Variants in GRM7 observed in about 807,000 individuals in gnomAD.
GRM7 encodes metabotropic glutamate receptor 7.
Under a neutral mutation model 84.5 loss-of-function variants are expected in GRM7, and 35 were observed. The observed-to-expected ratio is 0.41, with a 90% CI of 0.32 to 0.55. GRM7 has a LOEUF of 0.55. Among genes scored for constraint, GRM7 ranks in the 20% least tolerant of loss-of-function variants. GRM7 has a pLI of 0.19. For synonymous variants in GRM7, 487 were observed against 455.1 expected (o/e 1.07, Z -0.89); for missense variants, 1,003 against 1,194.6 (o/e 0.84, Z 2.36).
At chr3:7,457,110 T>C (rs1424575787) in intron 6 of GRM7, among the ~76,000 whole-genome samples, 1 of 152,180 alleles carries the variant, frequency 6.6e-6, no homozygotes, top group Non-Finnish European at 1.5e-5. Context: ...GGATATTGAT[T>C]TTTCTTTGTT....
intron 9 of GRM7, among the ~76,000 whole-genome samples, chr3:7,724,389 T>A (rs973685253): frequency 6.6e-6 from 1 of 152,232 alleles, no homozygotes; most frequent in African/African-American, 2.4e-5. Context: ...CTTAGGGACC[T>A]GTTCCATCCA....
intron 1 of GRM7, among the ~76,000 whole-genome samples, chr3:6,972,427 C>T (rs777427837): frequency 2.0e-5 from 3 of 152,090 alleles, no homozygotes; most frequent in Admixed American, 6.5e-5. Flanking sequence ...GTCTTTCTTG[C>T]AGGGTGGCTC....
chr3:7,085,262 T>C (rs1181228576), intron 1 of GRM7, among the ~76,000 whole-genome samples: 1 of 152,214 alleles, frequency 6.6e-6, no homozygotes, highest in Non-Finnish European at 1.5e-5. Flanking sequence ...CTTCATCTTT[T>C]ATAAAAATCC....
chr3:7,218,938 T>G (rs1696704797), intron 2 of GRM7, among the ~76,000 whole-genome samples: 1 of 152,162 alleles, frequency 6.6e-6, no homozygotes, highest in Non-Finnish European at 1.5e-5. Context: ...TTTTCAAAAC[T>G]ACCCATCATT....
At chr3:6,891,965 C>T (rs528810690) in intron 1 of GRM7, among the ~76,000 whole-genome samples, 4 of 152,256 alleles carry the variant, frequency 2.6e-5, no homozygotes, top group Admixed American at 6.5e-5. Flanking sequence ...CTTCCCTTCT[C>T]GCTTCATTTC....
chr3:7,645,375 C>A (rs1028381536), intron 8 of GRM7, among the ~76,000 whole-genome samples: 1 of 151,446 alleles, frequency 6.6e-6, no homozygotes, highest in African/African-American at 2.4e-5. Flanking sequence ...GGTGAAACCC[C>A]GTCACTACTA....
chr3:7,532,057 C>T (rs1701057521), intron 7 of GRM7, among the ~76,000 whole-genome samples: 1 of 152,098 alleles, frequency 6.6e-6, no homozygotes, highest in South Asian at 2.1e-4. Flanking sequence ...AGATGTTCAT[C>T]AGGGATATTG....
intron 8 of GRM7, among the ~76,000 whole-genome samples, chr3:7,595,637 G>A (rs990304128): frequency 2.0e-5 from 3 of 152,102 alleles, no homozygotes; most frequent in Non-Finnish European, 4.4e-5. Context: ...ATGCCATCTT[G>A]GAGGTGGGAG....
intron 1 of GRM7, among the ~76,000 whole-genome samples, chr3:6,925,418 T>C (rs1697264908): frequency 1.3e-5 from 2 of 151,814 alleles, no homozygotes; most frequent in South Asian, 4.1e-4. Context: ...GAAGGTTACG[T>C]TGTTTTATCA....
intron 2 of GRM7, among the ~76,000 whole-genome samples, chr3:7,263,230 T>C (rs764358923): frequency 5.9e-5 from 9 of 152,304 alleles, no homozygotes; most frequent in Admixed American, 1.3e-4. Flanking sequence ...CTGTTCTTAC[T>C]CTGGGGGACT....
At chr3:6,917,122 C>A (rs112047589) in intron 1 of GRM7, among the ~76,000 whole-genome samples, 3,648 of 152,270 alleles carry the variant, frequency 0.024, 152 homozygotes, top group African/African-American at 0.084. Flanking sequence ...GTTTTCTCAA[C>A]TGTCCATTGA....
At chr3:6,962,113 T>G (rs1575071735) in intron 1 of GRM7, among the ~76,000 whole-genome samples, 1 of 152,214 alleles carries the variant, frequency 6.6e-6, no homozygotes, top group African/African-American at 2.4e-5. Context: ...CATTACCTTA[T>G]GCATACTTTT....
intron 9 of GRM7, among the ~76,000 whole-genome samples, chr3:7,729,384 A>G (rs1270632374): frequency 6.6e-6 from 1 of 152,170 alleles, no homozygotes; most frequent in East Asian, 1.9e-4. Context: ...ACTCCTATAC[A>G]TATTACTAAA....
At chr3:7,294,475 G>C (rs766871055) in intron 2 of GRM7, among the ~76,000 whole-genome samples, 1 of 151,796 alleles carries the variant, frequency 6.6e-6, no homozygotes, top group Non-Finnish European at 1.5e-5. Flanking sequence ...GTCTGTTGCT[G>C]GCTCTCTGTA....
intron 7 of GRM7, among the ~76,000 whole-genome samples, chr3:7,467,068 C>T (rs73115693): frequency 0.025 from 3,739 of 152,232 alleles, 114 homozygotes; most frequent in African/African-American, 0.068. Context: ...CCTCTTCCTC[C>T]TTCTGAGAAG....
intron 4 of GRM7, among the ~76,000 whole-genome samples, chr3:7,387,528 C>G (rs1694830918): frequency 6.6e-6 from 1 of 152,092 alleles, no homozygotes; most frequent in Non-Finnish European, 1.5e-5. Flanking sequence ...TTCCCTTGTA[C>G]CATTAATTGA....
intron 9 of GRM7, among the ~76,000 whole-genome samples, chr3:7,709,608 C>T (rs748441784): frequency 1.3e-5 from 2 of 152,086 alleles, no homozygotes; most frequent in African/African-American, 4.8e-5. Flanking sequence ...CCCCATCATT[C>T]GTTGTATATT....
intron 2 of GRM7, among the ~76,000 whole-genome samples, chr3:7,279,447 A>C (rs970913240): frequency 6.6e-6 from 1 of 152,174 alleles, no homozygotes; most frequent in African/African-American, 2.4e-5. Flanking sequence ...TGACCAAACC[A>C]TATGGAGCAG....
At position 7,267,113 on chromosome 3, in the gene GRM7, T is replaced by C. The variant is rs114719574; in HGVS notation, c.737-31571T>C. Among the ~76,000 whole-genome samples the C allele has an allele frequency of 5.8e-3, 888 of 152,334 alleles. 8 individuals carry two copies. Among genetic ancestry groups the C allele is most frequent in the African/African-American group, 0.02 (816 of 41,578 alleles). The stretch of plus-strand genomic sequence containing the variant: ...TATTTGGAATTTGTAGTTAACTATT[T>C]TTTTGAGTCAAAAACACAGAAGAAG... On this transcript the variant is annotated intron_variant, in intron 2 of 9. Transcript: ENST00000357716.
Sources: allele counts gnomAD v4.1 joint callset (sites outside exome capture counted in the v4.1 genomes callset), GRCh38; gene constraint gnomAD v4.1.1; transcripts MANE v1.5; gene names NCBI Gene and HGNC (gene_info 2026-07-23, HGNC 2026-07-21).